COL13A1: variants seen among roughly 807,000 people sequenced by gnomAD.
COL13A1 encodes collagen alpha-1(XIII) chain.
In COL13A1, 89 loss-of-function variants were observed where a neutral mutation model predicts 130.9. That is an observed-to-expected ratio of 0.68 (90% CI 0.57 to 0.81). COL13A1 has a LOEUF of 0.81. Among genes scored for constraint, COL13A1 ranks in the 30% least tolerant of loss-of-function variants. The pLI, the probability that COL13A1 is intolerant of heterozygous loss-of-function variation, is 0.00. For missense variants in COL13A1, 879 were observed against 934.6 expected (o/e 0.94, Z 0.78); for synonymous variants, 402 against 341.6 (o/e 1.18, Z -1.95).
intron 27 of COL13A1, among the ~76,000 whole-genome samples, chr10:69,928,110 C>T (rs2065618526): frequency 6.6e-6 from 1 of 152,168 alleles, no homozygotes; most frequent in Admixed American, 6.5e-5. Context: ...CGAGACTGCA[C>T]CACTGCACTC....
At chr10:69,938,127 C>A (rs1457835694) in intron 34 of COL13A1, among the ~76,000 whole-genome samples, 1 of 152,198 alleles carries the variant, frequency 6.6e-6, no homozygotes, top group Non-Finnish European at 1.5e-5. Context: ...ACTCTTGCTC[C>A]CCCCTCTTAA....
chr10:69,905,465 C>G (rs1381448278), intron 16 of COL13A1, among the ~76,000 whole-genome samples: 1 of 152,164 alleles, frequency 6.6e-6, no homozygotes, highest in Non-Finnish European at 1.5e-5. Flanking sequence ...AATGCAGAAG[C>G]TAAGAGCCCT....
At chr10:69,839,948 T>C (rs1407471989) in intron 2 of COL13A1, among the ~76,000 whole-genome samples, 4 of 152,136 alleles carry the variant, frequency 2.6e-5, no homozygotes, top group African/African-American at 9.7e-5. Context: ...CATTTTCCAG[T>C]CCTCTTGGCA....
At chr10:69,908,142 G>A (rs2062988415) in intron 17 of COL13A1, among the ~76,000 whole-genome samples, 1 of 152,210 alleles carries the variant, frequency 6.6e-6, no homozygotes. Flanking sequence ...GAGGAGAAAA[G>A]AGGCAGGAAG....
rs901863231 is a variant in COL13A1, at chr10:69,881,895, C to T, written c.513+1342C>T. Among the ~76,000 whole-genome samples the T allele has an allele frequency of 5.9e-5, 9 of 152,320 alleles. No individual in the cohort carries two copies. The South Asian group carries it at 6.2e-4, about 11-fold the overall frequency. ...CTTGCCCAGAGCCATAGGGCTGGCA[C>T]GTGGCTACACTGGTAGCTGATCATT... is the stretch of plus-strand genomic sequence containing the variant. On this transcript the variant is annotated intron_variant, in intron 7 of 40. Coordinates refer to ENST00000645393, the MANE Select transcript of COL13A1 (RefSeq NM_001368882.1).
intron 3 of COL13A1, 112 bp from the exon 4 acceptor site, chr10:69,872,072 C>A (rs2059125467): frequency 7.9e-7 from 1 of 1,270,814 alleles, no homozygotes; most frequent in Non-Finnish European, 1.1e-6. Flanking sequence ...CATAAAATAA[C>A]AAAGGCTTAC....
At chr10:69,868,310 TGGC>T (rs150314487) in intron 3 of COL13A1, among the ~76,000 whole-genome samples, 7,694 of 152,140 alleles carry the variant, frequency 0.051, 366 homozygotes, top group African/African-American at 0.12. Context: ...GTGGTGGTGG[TGGC>T]GGCGGCAATG....
chr10:69,925,032 C>T, intron 25 of COL13A1, 25 bp downstream of exon 25: 1 of 1,541,206 alleles, frequency 6.5e-7, no homozygotes, highest in Non-Finnish European at 8.7e-7. Flanking sequence ...CTCCTGGAGT[C>T]ACAGCGTGAA....
At chr10:69,885,584 C>T (rs1158599406) in intron 7 of COL13A1, among the ~76,000 whole-genome samples, 1 of 152,174 alleles carries the variant, frequency 6.6e-6, no homozygotes, top group African/African-American at 2.4e-5. Context: ...AGACATTCAT[C>T]CTGCTACCAG....
At chr10:69,884,333 G>A (rs1337606783) in intron 7 of COL13A1, among the ~76,000 whole-genome samples, 6 of 152,144 alleles carry the variant, frequency 3.9e-5, no homozygotes, top group Admixed American at 3.9e-4. Context: ...CTATGAGGCA[G>A]GGCTCTCCTC....
chr10:69,926,079 C>T, intron 26 of COL13A1: 1 of 554,196 alleles, frequency 1.8e-6, no homozygotes, highest in Admixed American at 3.2e-5. Context: ...TACTGGCATC[C>T]AGGTGGCCGG....
intron 5 of COL13A1, among the ~76,000 whole-genome samples, chr10:69,876,762 T>G (rs2059611326): frequency 1.3e-5 from 2 of 152,216 alleles, no homozygotes; most frequent in African/African-American, 4.8e-5. Flanking sequence ...AATGAAGATG[T>G]TGAGACTCAC....
intron 35 of COL13A1, among the ~76,000 whole-genome samples, chr10:69,942,211 T>A (rs955666159): frequency 6.6e-6 from 1 of 152,166 alleles, no homozygotes; most frequent in Non-Finnish European, 1.5e-5. Context: ...TGTGCCCTCA[T>A]AAATAGGAGA....
At chr10:69,814,508 C>G (rs1419458334) in intron 1 of COL13A1, among the ~76,000 whole-genome samples, 1 of 152,230 alleles carries the variant, frequency 6.6e-6, no homozygotes. Flanking sequence ...GCTGGCAAAA[C>G]AGGTGCTCAC....
intron 14 of COL13A1, among the ~76,000 whole-genome samples, chr10:69,901,827 C>T (rs2062211826): frequency 6.6e-6 from 1 of 152,224 alleles, no homozygotes; most frequent in African/African-American, 2.4e-5. Context: ...TCCCTGGGCT[C>T]ACAGTCCATC....
intron 3 of COL13A1, among the ~76,000 whole-genome samples, chr10:69,870,185 A>AT (rs142980589): frequency 1.3e-5 from 2 of 151,784 alleles, no homozygotes; most frequent in East Asian, 1.9e-4. Flanking sequence ...GTATATATAT[A>AT]TTTTTTTTAC....
At chr10:69,924,312 T>G (rs2065065790) in intron 24 of COL13A1, among the ~76,000 whole-genome samples, 1 of 152,206 alleles carries the variant, frequency 6.6e-6, no homozygotes, top group Non-Finnish European at 1.5e-5. Context: ...TATCTTGATT[T>G]TTTTCAATTG....
chr10:69,825,697 T>C (rs1847306870), intron 2 of COL13A1, among the ~76,000 whole-genome samples: 1 of 152,022 alleles, frequency 6.6e-6, no homozygotes, highest in Non-Finnish European at 1.5e-5. Flanking sequence ...CAAGCCGGAG[T>C]CCTGCGGTGG....
chr10:69,865,821 C>G (rs2058460694), intron 2 of COL13A1, among the ~76,000 whole-genome samples: 1 of 151,990 alleles, frequency 6.6e-6, no homozygotes, highest in South Asian at 2.1e-4. Context: ...CAGGCAATTG[C>G]AGGGTGGGGG....
Sources: gnomAD v4.1 joint callset for allele counts (sites outside exome capture counted in the v4.1 genomes callset) on GRCh38, gnomAD v4.1.1 for gene constraint, MANE v1.5 for transcripts, NCBI Gene and HGNC (gene_info 2026-07-23, HGNC 2026-07-21) for gene names.